Variants in SHLD2 observed in about 807,000 individuals in gnomAD.
The protein encoded by SHLD2 is RINN1-REV7-interacting novel NHEJ regulator 2.
SHLD2 carries 30 observed loss-of-function variants against 73.2 expected under a neutral mutation model. The observed-to-expected ratio is 0.41, with a 90% CI of 0.31 to 0.56. The LOEUF (loss-of-function observed/expected upper bound fraction) is 0.56, where lower values mean the gene tolerates loss of function less well. Among genes scored for constraint, SHLD2 ranks in the 20% least tolerant of loss-of-function variants. The pLI is 0.28. For synonymous variants in SHLD2, 285 were observed against 370.1 expected, an observed-to-expected ratio of 0.77 and a Z score of 2.64; for missense variants, 745 against 1,055.9, an observed-to-expected ratio of 0.71 and a Z score of 4.08.
intron 9 of SHLD2, among the ~76,000 whole-genome samples, chr10:87,189,658 C>T (rs1417790199): frequency 6.6e-6 from 1 of 152,188 alleles, no homozygotes; most frequent in Admixed American, 6.5e-5. Flanking sequence ...ACGGTCTGAG[C>T]ATGGTTGATG....
intron 5 of SHLD2, 74 bp from the exon 6 acceptor site, chr10:87,170,766 A>G: frequency 6.2e-7 from 1 of 1,603,270 alleles, no homozygotes. Flanking sequence ...CTATATATGT[A>G]TCATCAGCTA....
chr10:87,127,714 C>G (rs1344752626), intron 2 of SHLD2, among the ~76,000 whole-genome samples: 1 of 151,252 alleles, frequency 6.6e-6, no homozygotes, highest in African/African-American at 2.4e-5. Flanking sequence ...AAAAACACAA[C>G]TGTGTTAATA....
At chr10:87,095,686 G>T (rs1841801926) in intron 1 of SHLD2, among the ~76,000 whole-genome samples, 1 of 152,236 alleles carries the variant, frequency 6.6e-6, no homozygotes, top group African/African-American at 2.4e-5. Context: ...TTATTGTCCC[G>T]TTCAACTGCT....
intron 2 of SHLD2, among the ~76,000 whole-genome samples, chr10:87,146,907 T>C (rs1845650791): frequency 6.6e-6 from 1 of 151,322 alleles, no homozygotes; most frequent in South Asian, 2.1e-4. Flanking sequence ...AAATACAAAA[T>C]TAGCTGGGCA....
At chr10:87,172,828 G>GTGCATT (rs1847685422) in intron 6 of SHLD2, among the ~76,000 whole-genome samples, 1 of 151,842 alleles carries the variant, frequency 6.6e-6, no homozygotes, top group Non-Finnish European at 1.5e-5. Flanking sequence ...AAGTACATAT[G>GTGCATT]TGCATTTGAA....
chr10:87,148,871 A>T (rs890452184), intron 2 of SHLD2, among the ~76,000 whole-genome samples: 1 of 149,790 alleles, frequency 6.7e-6, no homozygotes, highest in Admixed American at 6.7e-5. Flanking sequence ...ATATCTAAGT[A>T]TTCCCACCAA....
rs183716714 is a variant in SHLD2 at position 87,187,062 on chromosome 10, G to A, written c.2400-23G>A. 198 of 1,414,034 alleles carry A rather than the reference G, an allele frequency of 1.4e-4. No homozygotes were observed. The African/African-American group carries it at 2.3e-3, about 17-fold the overall frequency. The allele number at this position is 1,414,034 out of a possible 1,614,324, so 87.6% of individuals were successfully genotyped here. On this transcript the variant is annotated intron_variant, in intron 8 of 9. Coordinates refer to ENST00000298786, the MANE Select transcript of SHLD2 (RefSeq NM_001330112.2). ...TTATCTGAAAATCTTTTTGAAGGTCGTGTGTTGTTTACTCTTTTGTAGGCC... is the reference window on the plus strand; with the variant it reads ...TTATCTGAAAATCTTTTTGAAGGTCATGTGTTGTTTACTCTTTTGTAGGCC...
At chr10:87,185,045 A>G (rs1317467624) in intron 8 of SHLD2, among the ~76,000 whole-genome samples, 1 of 152,200 alleles carries the variant, frequency 6.6e-6, no homozygotes, top group Non-Finnish European at 1.5e-5. Context: ...CCAGCCCTTT[A>G]CAAAGCCTCA....
chr10:87,145,419 C>T (rs1251732271), intron 2 of SHLD2, among the ~76,000 whole-genome samples: 2 of 151,942 alleles, frequency 1.3e-5, no homozygotes, highest in African/African-American at 4.8e-5. Context: ...GAGTAAGTTG[C>T]AGAGTAGTAA....
chr10:87,162,222 A>G (rs944543042), intron 4 of SHLD2, among the ~76,000 whole-genome samples: 2 of 151,508 alleles, frequency 1.3e-5, no homozygotes, highest in African/African-American at 2.4e-5. Flanking sequence ...TTTTCTTAAT[A>G]TTACTCAGAA....
At chr10:87,110,036 C>T (rs1161310914) in intron 2 of SHLD2, among the ~76,000 whole-genome samples, 2 of 152,094 alleles carry the variant, frequency 1.3e-5, no homozygotes, top group Admixed American at 6.6e-5. Context: ...GCCTGTAATC[C>T]CAGCACTTTG....
chr10:87,127,544 G>GCA (rs1564587250), intron 2 of SHLD2, among the ~76,000 whole-genome samples: 2 of 38,256 alleles, frequency 5.2e-5, no homozygotes, highest in East Asian at 1.7e-3. Context: ...CCCCCACCCC[G>GCA]TCTGCCACCC....
Position 87,151,850 on chromosome 10 carries a change from A to T in SHLD2, c.496A>T (p.Asn166Tyr). The T allele has an allele frequency of 1.2e-6, 2 of 1,611,710 alleles. No homozygotes were observed. Among genetic ancestry groups the T allele is most frequent in the East Asian group, 2.2e-5 (1 of 44,872 alleles). The change falls in exon 3 of 10, where the codon AAT (asparagine) becomes TAT (tyrosine). Residue 166 changes from asparagine to tyrosine, a missense_variant. Physicochemically the swap from Asn to Tyr is moderately radical, Grantham distance 143. Around this residue, in one of 5 missense-constraint regions of SHLD2, gnomAD observed 280 missense variants for 353.9 expected, o/e 0.79. Coordinates refer to ENST00000298786, the MANE Select transcript of SHLD2 (RefSeq NM_001330112.2). ...TATATGTGGTAAGAACTTTAACACA[A>T]ATTTGTTTCAGTTGGGCCATAAATG... ...PDICGKNFNT[N>Y]LFQLGHKCAA... is the part of the protein sequence containing the mutation.
At position 87,170,587 on chromosome 10, in the gene SHLD2, T is replaced by C. The variant is rs777514637; in HGVS notation, c.1743T>C (p.Ser581=). ...CGAGGCAGCCTCAGAGGGTGAACAG[T>C]ATAGACTTTGTAGAATTGGAGCACC... The part of the protein sequence containing the change: ...LPPRQPQRVN[S]IDFVELEHLQ... Residue 581 remains serine (S), a synonymous_variant, in exon 5 of 10, where the codon AGT becomes AGC. Coordinates refer to ENST00000298786, the MANE Select transcript of SHLD2 (RefSeq NM_001330112.2). 2.5e-6 allele frequency: 4 copies of C among 1,613,714 alleles called. No individual in the cohort carries two copies. In the Admixed American group the frequency reaches 6.7e-5, roughly 27 times the overall value.
intron 2 of SHLD2, among the ~76,000 whole-genome samples, chr10:87,117,082 C>A (rs551767077): frequency 6.6e-6 from 1 of 152,164 alleles, no homozygotes; most frequent in Non-Finnish European, 1.5e-5. Context: ...GTAGAGACAA[C>A]GTTCCCAAGT....
intron 2 of SHLD2, among the ~76,000 whole-genome samples, chr10:87,107,274 C>T (rs564711923): frequency 7.2e-5 from 11 of 151,980 alleles, no homozygotes; most frequent in Admixed American, 5.2e-4. Context: ...CTTAGCTGGG[C>T]GTGGTAGTGC....
chr10:87,190,961 A>G lies in SHLD2; in HGVS notation c.*278A>G. 1 of 458,632 alleles carries G rather than the reference A, an allele frequency of 2.2e-6. No homozygotes were observed. The highest frequency in any genetic ancestry group is 2.3e-5 in the South Asian group (1 of 43,972). The allele number at this position is 458,632 out of a possible 1,614,324, so 28.4% of individuals were successfully genotyped here. A position where few individuals can be genotyped will look rare whatever the true frequency, so the allele number is the denominator to read the frequency against. On this transcript the variant is annotated 3_prime_UTR_variant, in exon 10 of 10. Transcript: ENST00000298786. ...ATCCCTGGGAATTAAAGGTTTGCCC[A>G]TTTGTTCACTGTATTTAGTCCCTGC...
At chr10:87,178,359 A>G (rs1210812297) in intron 7 of SHLD2, among the ~76,000 whole-genome samples, 1 of 151,716 alleles carries the variant, frequency 6.6e-6, no homozygotes, top group Non-Finnish European at 1.5e-5. Context: ...TGATATGCCC[A>G]TGTAACAAAC....
chr10:87,118,085 A>G (rs1205635650), intron 2 of SHLD2, among the ~76,000 whole-genome samples: 3 of 152,194 alleles, frequency 2.0e-5, no homozygotes, highest in East Asian at 3.8e-4. Flanking sequence ...TCCCACGTGC[A>G]TTATTGTTTC....
Sources: gnomAD v4.1 joint callset for allele counts (sites outside exome capture counted in the v4.1 genomes callset) on GRCh38, gnomAD v4.1.1 for gene constraint, gnomAD v4.1.1 regional missense constraint, MANE v1.5 for transcripts, NCBI Gene and HGNC (gene_info 2026-07-23, HGNC 2026-07-21) for gene names.